RNF168: variants seen among roughly 807,000 people sequenced by gnomAD.
RNF168 encodes ring finger protein 168.
RNF168 carries 34 observed loss-of-function variants against 34.9 expected under a neutral mutation model. That is an observed-to-expected ratio of 0.97 (90% CI 0.74 to 1.30). RNF168 has a LOEUF of 1.30. RNF168 is among the 50% of genes most tolerant of loss of function. The pLI is 0.00. For synonymous variants in RNF168, 264 were observed against 254.7 expected, an observed-to-expected ratio of 1.04 and a Z score of -0.35; for missense variants, 725 against 682.5, an observed-to-expected ratio of 1.06 and a Z score of -0.69.
At chr3:196,500,559 G>A (rs1374587723) in intron 1 of RNF168, among the ~76,000 whole-genome samples, 2 of 152,282 alleles carry the variant, frequency 1.3e-5, no homozygotes, top group East Asian at 3.9e-4. Flanking sequence ...GGATTAAAAA[G>A]TTCTGGAGAT....
intron 1 of RNF168, among the ~76,000 whole-genome samples, chr3:196,493,183 A>C (rs1732637751): frequency 6.6e-6 from 1 of 152,218 alleles, no homozygotes; most frequent in Non-Finnish European, 1.5e-5. Context: ...AGGCAAAGGA[A>C]AGGCACGTGC....
intron 5 of RNF168, among the ~76,000 whole-genome samples, chr3:196,474,024 C>T (rs987444614): frequency 2.6e-5 from 4 of 152,076 alleles, no homozygotes; most frequent in African/African-American, 9.7e-5. Context: ...ACTTGTGTGG[C>T]CTTTTTCCAG....
At chr3:196,488,527 G>T in intron 2 of RNF168, 80 bp downstream of exon 2, 1 of 825,196 alleles carries the variant, frequency 1.2e-6, no homozygotes, top group South Asian at 1.5e-5. Flanking sequence ...AGTTATATAA[G>T]CACAAAAAAC....
At chr3:196,496,138 G>C (rs2108653931) in intron 1 of RNF168, among the ~76,000 whole-genome samples, 1 of 152,006 alleles carries the variant, frequency 6.6e-6, no homozygotes, top group Admixed American at 6.6e-5. Flanking sequence ...ACTTAAAACA[G>C]TCTCAAAAGC....
At chr3:196,502,582 T>C (rs1228130906) in intron 1 of RNF168, among the ~76,000 whole-genome samples, 1 of 149,710 alleles carries the variant, frequency 6.7e-6, no homozygotes, top group Non-Finnish European at 1.5e-5. Context: ...AGCGAGATCC[T>C]GTCTCAAAAA....
intron 1 of RNF168, among the ~76,000 whole-genome samples, chr3:196,501,529 A>T (rs1732885209): frequency 1.3e-5 from 2 of 152,188 alleles, no homozygotes; most frequent in African/African-American, 4.8e-5. Flanking sequence ...TCATAGAGAC[A>T]GAAAGTGGAA....
chr3:196,488,548 T>C, intron 2 of RNF168, 59 bp downstream of exon 2: 1 of 1,010,362 alleles, frequency 9.9e-7, no homozygotes, highest in South Asian at 1.4e-5. Context: ...TAAATTAAAA[T>C]CTGAAACTAA....
Position 196,503,458 on chromosome 3 carries a change from C to T in RNF168, c.-285G>A, listed in dbSNP as rs912987081. ...TTTTCGTCGGAGGAGCCTGGCTGCT[C>T]CGCGGCATGAACACCGCGGCTGCGG... On this transcript the variant is annotated 5_prime_UTR_variant, in exon 1 of 6. Transcript: ENST00000318037. 3 of 439,802 alleles carry T rather than the reference C, an allele frequency of 6.8e-6. No individual in the cohort carries two copies. The highest frequency in any genetic ancestry group is 6.0e-5 in the African/African-American group (3 of 49,816). 27.2% of individuals were successfully genotyped at this position (439,802 alleles called of 1,614,324 possible). A position where few individuals can be genotyped will look rare whatever the true frequency, so the allele number is the denominator to read the frequency against.
Position 196,472,287 on chromosome 3 carries a change from T to C in RNF168, c.1248A>G (p.Pro416=). 1.9e-6 allele frequency: 3 copies of C among 1,613,942 alleles called. No homozygotes were observed. The South Asian group carries it at 3.3e-5, about 18-fold the overall frequency. The change falls in exon 6 of 6, where the codon CCA becomes CCG. Residue 416 remains proline (P), a synonymous_variant. Transcript: ENST00000318037. ...AGTTTATTTCTGTTTCCTCTTGATCTGGGGAAGATTCGGGGGACACTTTTC... is the reference window on the plus strand; with the variant it reads ...AGTTTATTTCTGTTTCCTCTTGATCCGGGGAAGATTCGGGGGACACTTTTC... ...KRRKVSPESS[P]DQEETEINFT...
chr3:196,493,844 T>C (rs1732669500), intron 1 of RNF168, among the ~76,000 whole-genome samples: 1 of 147,790 alleles, frequency 6.8e-6, no homozygotes, highest in African/African-American at 2.7e-5. Context: ...TTTCTTTCTT[T>C]TTTTAAATTT....
At chr3:196,487,635 T>C (rs1732490098) in intron 2 of RNF168, 57 bp from the exon 3 acceptor site, 2 of 1,472,402 alleles carry the variant, frequency 1.4e-6, no homozygotes, top group Non-Finnish European at 9.5e-7. Context: ...ATACTTGCAA[T>C]ATTTCATAAC....
chr3:196,502,904 A>G lies in RNF168; in HGVS notation c.270T>C (p.Leu90=). 1.2e-6 allele frequency: 2 copies of G among 1,614,036 alleles called. No homozygotes were observed. Among genetic ancestry groups the G allele is most frequent in the South Asian group, 1.1e-5 (1 of 91,074 alleles). Residue 90 remains leucine (L), a synonymous_variant, in exon 1 of 6, where the codon CTT becomes CTC. Transcript: ENST00000318037. ...IQKHYPRECK[L]RASGQESEEV... ...CCTCTGATTCTTGGCCAGACGCTCTAAGCTTGCACTCCCTGGGATAGTGTT... is the reference window on the plus strand; with the variant it reads ...CCTCTGATTCTTGGCCAGACGCTCTGAGCTTGCACTCCCTGGGATAGTGTT...
chr3:196,493,619 G>A (rs757901038), intron 1 of RNF168, among the ~76,000 whole-genome samples: 1 of 151,920 alleles, frequency 6.6e-6, no homozygotes, highest in Non-Finnish European at 1.5e-5. Flanking sequence ...TCCACCTCCC[G>A]GGTTCAAGCA....
rs1689492523 is a variant in RNF168, at chr3:196,472,661, A to G, written c.874T>C (p.Ser292Pro). Residue 292 changes from serine (S) to proline (P), a missense_variant, in exon 6 of 6, where the codon TCT (serine) becomes CCT (proline). By Grantham distance (74) the Ser-to-Pro change is moderately conservative (BLOSUM62 -1). Coordinates refer to ENST00000318037, the MANE Select transcript of RNF168 (RefSeq NM_152617.4). ...SLGVGEQGAD[S>P]SIESPMPWLC... is the part of the protein sequence containing the mutation. ...CATGGCATAGGGGACTCTATTGAAGAATCTGCACCTTGTTCTCCAACTCCA... is the reference window on the plus strand; with the variant it reads ...CATGGCATAGGGGACTCTATTGAAGGATCTGCACCTTGTTCTCCAACTCCA... 6.2e-7 allele frequency: 1 copy of G among 1,606,468 alleles called. No individual in the cohort carries two copies. Among genetic ancestry groups the G allele is most frequent in the African/African-American group, 1.3e-5 (1 of 74,764 alleles).
chr3:196,497,436 C>T (rs1018472374), intron 1 of RNF168, among the ~76,000 whole-genome samples: 42 of 152,070 alleles, frequency 2.8e-4, no homozygotes, highest in African/African-American at 9.9e-4. Context: ...CTTTGGGAGG[C>T]CAAGGCAGGC....
rs1040686358 is a variant in RNF168 at position 196,470,574 on chromosome 3, C to T, written c.*1245G>A. 1.3e-5 allele frequency: 2 copies of T among 148,844 alleles called. No individual in the cohort carries two copies. The highest frequency in any genetic ancestry group is 2.5e-5 in the African/African-American group (1 of 39,664). 9.2% of individuals were successfully genotyped at this position (148,844 alleles called of 1,614,324 possible). A position where few individuals can be genotyped will look rare whatever the true frequency, so the allele number is the denominator to read the frequency against. ...TCTGGACCCGTTTCTGACCAACCAC[C>T]CAATCAGTTTCAATGATCCAGACTG... On this transcript the variant is annotated 3_prime_UTR_variant, in exon 6 of 6. Transcript: ENST00000318037.
At chr3:196,489,599 C>A (rs1261353708) in intron 1 of RNF168, among the ~76,000 whole-genome samples, 1 of 151,688 alleles carries the variant, frequency 6.6e-6, no homozygotes, top group Non-Finnish European at 1.5e-5. Flanking sequence ...AGTGCTGGGA[C>A]TACAGGCGTG....
In RNF168 at chr3:196,496,735, G is replaced by A. The variant is rs546349471; in HGVS notation, c.301+6138C>T. On this transcript the variant is annotated intron_variant, in intron 1 of 5. Transcript: ENST00000318037. ...AAAATTTAAATAGGCTGGGTGTGGC[G>A]GTTCAGGCCTGTAATTCCAGCACTT... Among the ~76,000 whole-genome samples the A allele has an allele frequency of 3.5e-4, 53 of 152,302 alleles. No homozygotes were observed. The East Asian group carries it at 4.1e-3, about 12-fold the overall frequency.
intron 1 of RNF168, among the ~76,000 whole-genome samples, chr3:196,494,866 T>TA (rs565266008): frequency 1.3e-5 from 2 of 151,824 alleles, no homozygotes; most frequent in East Asian, 1.9e-4. Flanking sequence ...CTACAAAAAA[T>TA]AAAAAAATTA....
Sources: gnomAD v4.1 joint callset for allele counts (sites outside exome capture counted in the v4.1 genomes callset) on GRCh38, gnomAD v4.1.1 for gene constraint, MANE v1.5 for transcripts, NCBI Gene and HGNC (gene_info 2026-07-23, HGNC 2026-07-21) for gene names.